Variants in EYS observed in about 807,000 individuals in gnomAD.
EYS encodes protein eyes shut homolog.
In EYS, 250 loss-of-function variants were observed where a neutral mutation model predicts 282.1. The observed-to-expected ratio is 0.89, with a 90% CI of 0.80 to 0.98. The LOEUF (loss-of-function observed/expected upper bound fraction) is 0.98, where lower values mean the gene tolerates loss of function less well. Among genes scored for constraint, EYS ranks in the 50% least tolerant of loss-of-function variants. The probability of loss-of-function intolerance (pLI) is 0.00; values close to 1 mark genes in which losing one functional copy is unlikely to be tolerated. For synonymous variants in EYS, 1,355 were observed against 1,282.9 expected, an observed-to-expected ratio of 1.06 and a Z score of -1.20; for missense variants, 4,016 against 3,709.0, an observed-to-expected ratio of 1.08 and a Z score of -2.15.
At chr6:64,134,732 C>A (rs769198185) in intron 31 of EYS, among the ~76,000 whole-genome samples, 16 of 151,908 alleles carry the variant, frequency 1.1e-4, no homozygotes, top group Non-Finnish European at 2.1e-4. Flanking sequence ...GAGTAAAGAT[C>A]GAGATTCAGC....
intron 30 of EYS, among the ~76,000 whole-genome samples, chr6:64,292,904 T>C (rs137970165): frequency 9.9e-5 from 15 of 152,210 alleles, no homozygotes; most frequent in African/African-American, 3.1e-4. Flanking sequence ...CATTTATAGA[T>C]GAGGAAACTA....
At chr6:63,903,827 T>C (rs1773711986) in intron 35 of EYS, among the ~76,000 whole-genome samples, 1 of 152,158 alleles carries the variant, frequency 6.6e-6, no homozygotes, top group South Asian at 2.1e-4. Context: ...GTGAGGCAGA[T>C]TAGAAAATGG....
At chr6:63,953,512 C>A (rs1765685658) in intron 35 of EYS, among the ~76,000 whole-genome samples, 2 of 152,144 alleles carry the variant, frequency 1.3e-5, no homozygotes, top group Admixed American at 6.6e-5. Context: ...GCTCTCCCTG[C>A]TAATCATGTC....
chr6:65,218,482 C>G (rs1766374921), intron 12 of EYS, among the ~76,000 whole-genome samples: 1 of 151,990 alleles, frequency 6.6e-6, no homozygotes, highest in Admixed American at 6.6e-5. Flanking sequence ...AAAACAAAAA[C>G]AAAACATGAG....
At chr6:64,760,772 G>C (rs572043088) in intron 22 of EYS, among the ~76,000 whole-genome samples, 27 of 152,130 alleles carry the variant, frequency 1.8e-4, no homozygotes, top group African/African-American at 6.5e-4. Flanking sequence ...CAAGAGAGAG[G>C]GCTGACATTC....
intron 12 of EYS, among the ~76,000 whole-genome samples, chr6:65,274,297 A>C (rs1767983075): frequency 6.6e-6 from 1 of 152,200 alleles, no homozygotes; most frequent in Admixed American, 6.5e-5. Context: ...TGAAAAATGC[A>C]GGGGTGGTGA....
intron 30 of EYS, among the ~76,000 whole-genome samples, chr6:64,260,165 AC>A (rs1255853187): frequency 2.0e-5 from 3 of 151,208 alleles, no homozygotes; most frequent in Non-Finnish European, 4.4e-5. Flanking sequence ...CATTTCTTTT[AC>A]CCTGCTATTT....
chr6:63,875,457 G>A (rs1245031719), intron 35 of EYS, among the ~76,000 whole-genome samples: 1 of 152,132 alleles, frequency 6.6e-6, no homozygotes, highest in Non-Finnish European at 1.5e-5. Flanking sequence ...TCTCGGCCAG[G>A]CATGGTATCA....
At chr6:65,278,047 C>CTTTTCTTTTCTTTTCTTTTCTTTTCTT (rs1562067564) in intron 12 of EYS, among the ~76,000 whole-genome samples, 1 of 142,130 alleles carries the variant, frequency 7.0e-6, no homozygotes, top group Admixed American at 7.5e-5. Context: ...CTTTTCTTTT[C>CTTTTCTTTTCTTTTCTTTTCTTTTCTT]TTTTCTTTTC....
intron 33 of EYS, among the ~76,000 whole-genome samples, chr6:64,011,962 G>T (rs1022020984): frequency 6.6e-6 from 1 of 151,112 alleles, no homozygotes; most frequent in African/African-American, 2.4e-5. Context: ...TAGATTTTGG[G>T]CATGCATTAA....
intron 1 of EYS, among the ~76,000 whole-genome samples, chr6:65,654,515 G>T (rs1481982541): frequency 6.6e-6 from 1 of 151,616 alleles, no homozygotes; most frequent in Non-Finnish European, 1.5e-5. Context: ...CCCAGTTTTT[G>T]ACCTGCCACT....
chr6:65,607,483 T>C (rs1189184224), intron 2 of EYS, among the ~76,000 whole-genome samples: 1 of 151,880 alleles, frequency 6.6e-6, no homozygotes, highest in East Asian at 1.9e-4. Context: ...ACGCCTTCTA[T>C]TTATTTTTGT....
chr6:64,558,992 T>C (rs1765318887), intron 26 of EYS, among the ~76,000 whole-genome samples: 1 of 152,182 alleles, frequency 6.6e-6, no homozygotes. Context: ...ATATAACTTG[T>C]TAACTAATAG....
chr6:65,559,191 T>A (rs1034109739), intron 2 of EYS, among the ~76,000 whole-genome samples: 2 of 152,154 alleles, frequency 1.3e-5, no homozygotes, highest in South Asian at 4.1e-4. Flanking sequence ...AGTTCTTTTC[T>A]GGCCAACATG....
At chr6:65,267,415 G>A (rs1354789173) in intron 12 of EYS, among the ~76,000 whole-genome samples, 1 of 151,862 alleles carries the variant, frequency 6.6e-6, no homozygotes, top group Non-Finnish European at 1.5e-5. Flanking sequence ...CAACTTGAGA[G>A]GCACAGTCTT....
intron 15 of EYS, among the ~76,000 whole-genome samples, chr6:64,935,725 T>G (rs2150089752): frequency 6.6e-6 from 1 of 151,780 alleles, no homozygotes; most frequent in South Asian, 2.1e-4. Flanking sequence ...TAGATAACTT[T>G]ACAGAAAGGT....
intron 12 of EYS, among the ~76,000 whole-genome samples, chr6:65,133,369 C>T (rs1356537636): frequency 1.3e-5 from 2 of 151,958 alleles, no homozygotes; most frequent in Non-Finnish European, 2.9e-5. Context: ...TACCCAGTTT[C>T]AAACTATACT....
At chr6:63,890,811 G>A (rs1208388919) in intron 35 of EYS, among the ~76,000 whole-genome samples, 1 of 152,142 alleles carries the variant, frequency 6.6e-6, no homozygotes, top group Non-Finnish European at 1.5e-5. Flanking sequence ...CCAGGAGCTG[G>A]TTTTTTGAAA....
At chr6:64,786,857 G>T (rs1774038865) in intron 22 of EYS, among the ~76,000 whole-genome samples, 1 of 152,168 alleles carries the variant, frequency 6.6e-6, no homozygotes, top group African/African-American at 2.4e-5. Flanking sequence ...GATAAATCCT[G>T]GGGCTGGCAC....
Sources: allele counts gnomAD v4.1 joint callset (sites outside exome capture counted in the v4.1 genomes callset), GRCh38; gene constraint gnomAD v4.1.1; transcripts MANE v1.5; gene names NCBI Gene and HGNC (gene_info 2026-07-23, HGNC 2026-07-21).